Variants in MTX2 observed in about 807,000 individuals in gnomAD.
MTX2 encodes metaxin 2.
A neutral mutation model predicts 42.3 loss-of-function variants in MTX2; 35 were observed. The ratio of observed to expected loss-of-function variants is 0.83; its 90% CI spans 0.63 to 1.10. The LOEUF is 1.10. Ranked by LOEUF, MTX2 falls within the 50% of genes least tolerant of loss-of-function variation. The pLI, the probability that MTX2 is intolerant of heterozygous loss-of-function variation, is 0.00. For synonymous variants in MTX2, 119 were observed against 100.9 expected (o/e 1.18, Z -1.08); for missense variants, 307 against 304.1 (o/e 1.01, Z -0.07).
At chr2:176,320,347 A>G (rs182162248) in intron 3 of MTX2, among the ~76,000 whole-genome samples, 13 of 152,296 alleles carry the variant, frequency 8.5e-5, no homozygotes, top group Admixed American at 8.5e-4. Flanking sequence ...CATAGTTACC[A>G]CTACGCATGT....
intron 1 of MTX2, among the ~76,000 whole-genome samples, chr2:176,274,823 C>T (rs1048723849): frequency 9.9e-5 from 15 of 152,124 alleles, no homozygotes; most frequent in African/African-American, 3.4e-4. Flanking sequence ...TAAGTAGGGA[C>T]TTTAATTATA....
chr2:176,337,469 C>A, intron 9 of MTX2, 24 bp from the exon 10 acceptor site: 1 of 1,551,556 alleles, frequency 6.4e-7, no homozygotes. Context: ...TACTTACTCA[C>A]ATTACTCTCA....
intron 5 of MTX2, 90 bp downstream of exon 5, chr2:176,326,991 A>G: frequency 1.4e-6 from 1 of 731,708 alleles, no homozygotes; most frequent in Non-Finnish European, 2.1e-6. Context: ...ATTTCAACCT[A>G]GTTTTATAAA....
intron 1 of MTX2, among the ~76,000 whole-genome samples, chr2:176,286,538 C>T (rs996013394): frequency 1.3e-5 from 2 of 151,238 alleles, no homozygotes; most frequent in African/African-American, 4.9e-5. Context: ...TTCATTATTA[C>T]TCACTCTGAG....
chr2:176,312,444 C>T (rs950694843), intron 3 of MTX2, among the ~76,000 whole-genome samples: 2 of 152,206 alleles, frequency 1.3e-5, no homozygotes, highest in East Asian at 3.9e-4. Context: ...GTGTGTATGA[C>T]TCTAAAAATT....
intron 3 of MTX2, among the ~76,000 whole-genome samples, chr2:176,313,011 A>G (rs1273400421): frequency 6.6e-6 from 1 of 151,916 alleles, no homozygotes; most frequent in Non-Finnish European, 1.5e-5. Flanking sequence ...ATTATAGTAC[A>G]TAATAATTAT....
chr2:176,330,698 C>A lies in MTX2; in HGVS notation c.620+38C>A, dbSNP rs776487008. 9 of 1,368,850 alleles carry A rather than the reference C, an allele frequency of 6.6e-6. No homozygotes were observed. The African/African-American group carries it at 1.3e-4, about 20-fold the overall frequency. The allele number at this position is 1,368,850 out of a possible 1,614,324, so 84.8% of individuals were successfully genotyped here. On this transcript the variant is annotated intron_variant, in intron 9 of 9. Transcript: ENST00000249442. ...ACTTTTTTAAAGTTAATTTTCTGTACTGTTAGGTTGCAAATTTCTTTTTTT... is the reference window on the plus strand; with the variant it reads ...ACTTTTTTAAAGTTAATTTTCTGTAATGTTAGGTTGCAAATTTCTTTTTTT...
chr2:176,330,728 AAAG>A, intron 9 of MTX2, 68 bp downstream of exon 9: 1 of 1,053,544 alleles, frequency 9.5e-7, no homozygotes, highest in Non-Finnish European at 1.4e-6. Context: ...TTTTTTCATA[AAAG>A]AATTGCTTTT....
At chr2:176,290,855 A>G (rs1693313134) in intron 1 of MTX2, among the ~76,000 whole-genome samples, 2 of 150,950 alleles carry the variant, frequency 1.3e-5, no homozygotes, top group Admixed American at 6.6e-5. Context: ...TATATTTCTT[A>G]CCTTTGCACT....
chr2:176,304,708 C>A (rs1684101764), intron 3 of MTX2, among the ~76,000 whole-genome samples: 1 of 151,982 alleles, frequency 6.6e-6, no homozygotes, highest in South Asian at 2.1e-4. Flanking sequence ...AATTCACAAT[C>A]ATTTTTATTT....
intron 1 of MTX2, among the ~76,000 whole-genome samples, chr2:176,273,967 G>A (rs1692885560): frequency 1.3e-5 from 2 of 150,400 alleles, no homozygotes; most frequent in Non-Finnish European, 2.9e-5. Context: ...CTCATTGTCA[G>A]TAGGACAGCC....
At chr2:176,320,695 CTTTT>C (rs34174289) in intron 3 of MTX2, among the ~76,000 whole-genome samples, 16 of 131,884 alleles carry the variant, frequency 1.2e-4, no homozygotes, top group Admixed American at 1.6e-4. Flanking sequence ...TTTACTTATT[CTTTT>C]TTTTTTTTTT....
At chr2:176,323,349 A>G (rs1322235595) in intron 3 of MTX2, 43 bp from the exon 4 acceptor site, 3 of 1,499,162 alleles carry the variant, frequency 2.0e-6, no homozygotes, top group Non-Finnish European at 2.8e-6. Context: ...TCAAATATGC[A>G]TATGCTTTTT....
At chr2:176,335,045 C>A (rs1389645777) in intron 9 of MTX2, among the ~76,000 whole-genome samples, 4 of 148,952 alleles carry the variant, frequency 2.7e-5, no homozygotes, top group Non-Finnish European at 1.5e-5. Flanking sequence ...GCACAATAAG[C>A]AAAAAAAAAA....
Position 176,323,452 on chromosome 2 carries a change from A to G in MTX2, c.196A>G (p.Met66Val), listed in dbSNP as rs951264917. The G allele has an allele frequency of 2.2e-5, 36 of 1,610,522 alleles. No homozygotes were observed. Among genetic ancestry groups the G allele is most frequent in the Non-Finnish European group, 2.9e-5 (34 of 1,177,762 alleles). ...AGTTTGTAGGGCAAATGCAGAATAT[A>G]TGTCTCCATCTGGTAAGTGTGTTTT... ...KVVCRANAEY[M>V]SPSGKVPFIH... Residue 66 changes from methionine to valine, a missense_variant, in exon 4 of 10, where the codon ATG (methionine) becomes GTG (valine). Transcript: ENST00000249442.
At position 176,297,891 on chromosome 2, in the gene MTX2, T is replaced by C. The variant is rs772994738; in HGVS notation, c.131T>C (p.Val44Ala). ...LLSDNAASLAVQAFLQMCNLP... is the reference protein window; with the variant it reads ...LLSDNAASLAAQAFLQMCNLP... ...TCTGACAATGCAGCTTCTCTTGCAG[T>C]GCAGGTAAATATGTAAATAATGTAA... Residue 44 changes from valine to alanine, a missense_variant, in exon 3 of 10, where the codon GTG becomes GCG. Transcript: ENST00000249442. 3.2e-6 allele frequency: 5 copies of C among 1,557,994 alleles called. No individual in the cohort carries two copies. In the Admixed American group the frequency reaches 7.1e-5, roughly 22 times the overall value.
At chr2:176,302,711 T>C (rs1353162423) in intron 3 of MTX2, among the ~76,000 whole-genome samples, 1 of 152,174 alleles carries the variant, frequency 6.6e-6, no homozygotes, top group East Asian at 1.9e-4. Flanking sequence ...GTGCTGGGTT[T>C]ACAGGTGTGA....
chr2:176,314,446 A>G (rs531570078), intron 3 of MTX2, among the ~76,000 whole-genome samples: 1 of 152,048 alleles, frequency 6.6e-6, no homozygotes, highest in Non-Finnish European at 1.5e-5. Context: ...CAAAAAAAAA[A>G]AAACCCAATA....
intron 1 of MTX2, among the ~76,000 whole-genome samples, chr2:176,293,124 G>A (rs886598099): frequency 6.6e-6 from 1 of 152,158 alleles, no homozygotes; most frequent in African/African-American, 2.4e-5. Flanking sequence ...TAATAATACT[G>A]TGTTTTTCTT....
Sources: allele counts gnomAD v4.1 joint callset (sites outside exome capture counted in the v4.1 genomes callset), GRCh38; gene constraint gnomAD v4.1.1; transcripts MANE v1.5; gene names NCBI Gene and HGNC (gene_info 2026-07-23, HGNC 2026-07-21).